Variants in TBC1D12 observed in about 807,000 individuals in gnomAD.
TBC1D12 encodes TBC1 domain family member 12, also known as TBC1 domain family, member 12.
A neutral mutation model predicts 86.7 loss-of-function variants in TBC1D12; 56 were observed. The ratio of observed to expected loss-of-function variants is 0.65; its 90% CI spans 0.52 to 0.81. The LOEUF (loss-of-function observed/expected upper bound fraction) is 0.81. TBC1D12 is among the 30% of genes least tolerant of loss of function. The pLI is 0.00. For synonymous variants in TBC1D12, 421 were observed against 411.7 expected (o/e 1.02, Z -0.27); for missense variants, 1,023 against 1,038.8 (o/e 0.98, Z 0.21).
rs1314377684 is a variant in TBC1D12, at chr10:94,446,846, C to CTGAG, written c.1095+4828_1095+4831dup. Among the ~76,000 whole-genome samples, 4 of 152,222 alleles carry CTGAG rather than the reference C, an allele frequency of 2.6e-5. No individual in the cohort carries two copies. In the East Asian group the frequency reaches 7.7e-4, roughly 29 times the overall value. ...TCTACAATCCCAGCACTTTGGGAGG[C>CTGAG]TGAGGCAGGTGGATCACTTGAGGTC... On this transcript the variant is annotated intron_variant, in intron 2 of 12. Coordinates refer to ENST00000225235, the MANE Select transcript of TBC1D12 (RefSeq NM_015188.2).
intron 6 of TBC1D12, 32 bp from the exon 7 acceptor site, chr10:94,507,235 T>G: frequency 6.3e-7 from 1 of 1,584,200 alleles, no homozygotes. Flanking sequence ...TTCCTATTAT[T>G]CATACATTTT....
intron 1 of TBC1D12, among the ~76,000 whole-genome samples, chr10:94,437,391 T>C (rs2055316833): frequency 6.6e-6 from 1 of 151,856 alleles, no homozygotes; most frequent in African/African-American, 2.4e-5. Context: ...AGTGGTACAA[T>C]CTTGGCTCAC....
intron 1 of TBC1D12, among the ~76,000 whole-genome samples, chr10:94,427,824 C>G (rs1278724096): frequency 8.0e-6 from 1 of 124,608 alleles, no homozygotes; most frequent in Non-Finnish European, 1.6e-5. Context: ...AAAGTGAGAC[C>G]CTGTCTCACA....
chr10:94,493,541 A>G (rs1397964821), intron 4 of TBC1D12, 94 bp downstream of exon 4: 3 of 968,970 alleles, frequency 3.1e-6, no homozygotes, highest in East Asian at 2.4e-5. Context: ...ATGATACTGA[A>G]TTCTTTTTTT....
chr10:94,465,617 G>C (rs2055794659), intron 2 of TBC1D12, among the ~76,000 whole-genome samples: 1 of 148,802 alleles, frequency 6.7e-6, no homozygotes, highest in African/African-American at 2.5e-5. Flanking sequence ...CTGCACTCCA[G>C]CCTGGGCGAC....
intron 2 of TBC1D12, among the ~76,000 whole-genome samples, chr10:94,463,474 C>A (rs536501382): frequency 6.6e-6 from 1 of 152,162 alleles, no homozygotes; most frequent in East Asian, 1.9e-4. Context: ...GTCCCACTCT[C>A]ATGATAATAT....
intron 5 of TBC1D12, among the ~76,000 whole-genome samples, chr10:94,499,430 G>C (rs2056366332): frequency 6.6e-6 from 1 of 152,074 alleles, no homozygotes; most frequent in Non-Finnish European, 1.5e-5. Flanking sequence ...TCTGTGCCTG[G>C]TTTATTTCAC....
chr10:94,417,528 A>G (rs562872283), intron 1 of TBC1D12, among the ~76,000 whole-genome samples: 16 of 152,222 alleles, frequency 1.1e-4, no homozygotes, highest in South Asian at 4.1e-4. Flanking sequence ...ATTTGGCTAC[A>G]TGTTTTGATG....
intron 2 of TBC1D12, among the ~76,000 whole-genome samples, chr10:94,468,059 A>T (rs2055850610): frequency 6.6e-6 from 1 of 152,166 alleles, no homozygotes; most frequent in African/African-American, 2.4e-5. Flanking sequence ...GGCTTTTATG[A>T]TATTTAATTT....
chr10:94,526,432 GAAAAAAA>G (rs1288214393), intron 11 of TBC1D12, among the ~76,000 whole-genome samples: 1 of 110,984 alleles, frequency 9.0e-6, no homozygotes, highest in Admixed American at 9.6e-5. Context: ...CTGTCTCTGA[GAAAAAAA>G]AAAAAAAAGA....
At chr10:94,444,412 A>T (rs2055422907) in intron 2 of TBC1D12, among the ~76,000 whole-genome samples, 1 of 152,076 alleles carries the variant, frequency 6.6e-6, no homozygotes, top group Non-Finnish European at 1.5e-5. Context: ...GTGACATCTT[A>T]AGTTTTAGCT....
At chr10:94,473,890 G>A in intron 2 of TBC1D12, among the ~76,000 whole-genome samples, 1 of 152,256 alleles carries the variant, frequency 6.6e-6, no homozygotes, top group African/African-American at 2.4e-5. Context: ...TTATCAGGTT[G>A]GATGAATTAG....
chr10:94,469,241 G>A (rs2055867508), intron 2 of TBC1D12, among the ~76,000 whole-genome samples: 1 of 152,092 alleles, frequency 6.6e-6, no homozygotes, highest in Admixed American at 6.6e-5. Context: ...TCCCAGTGAT[G>A]ACTTTTTATT....
chr10:94,499,927 C>T (rs891336645), intron 5 of TBC1D12, among the ~76,000 whole-genome samples: 2 of 152,024 alleles, frequency 1.3e-5, no homozygotes, highest in African/African-American at 4.8e-5. Context: ...ATTTTTATGT[C>T]CCTTTTATCC....
intron 3 of TBC1D12, among the ~76,000 whole-genome samples, chr10:94,480,390 C>G (rs2056059472): frequency 6.6e-6 from 1 of 152,096 alleles, no homozygotes; most frequent in Admixed American, 6.6e-5. Context: ...TTCTCTTGAC[C>G]TAGCACTTTT....
intron 3 of TBC1D12, among the ~76,000 whole-genome samples, chr10:94,488,085 A>T (rs1302713859): frequency 6.6e-6 from 1 of 151,880 alleles, no homozygotes; most frequent in East Asian, 1.9e-4. Context: ...TCATCTTTTA[A>T]TCTTTCTACT....
At chr10:94,403,688 TGGTC>T (rs2054809414) in intron 1 of TBC1D12, 104 bp downstream of exon 1, 1 of 1,031,174 alleles carries the variant, frequency 9.7e-7, no homozygotes, top group Non-Finnish European at 1.3e-6. Flanking sequence ...GCGGAGAGCT[TGGTC>T]GGCCGCTTCC....
chr10:94,532,325 A>T (rs887892767), intron 12 of TBC1D12, among the ~76,000 whole-genome samples: 8 of 150,354 alleles, frequency 5.3e-5, no homozygotes, highest in Non-Finnish European at 1.2e-4. Flanking sequence ...TTACAGGCAC[A>T]TGCCACCACG....
intron 3 of TBC1D12, among the ~76,000 whole-genome samples, chr10:94,483,707 C>T (rs73327472): frequency 0.022 from 3,310 of 152,000 alleles, 121 homozygotes; most frequent in African/African-American, 0.073. Context: ...TATTTTCTCC[C>T]ATTCTGTTTA....
Sources: allele counts gnomAD v4.1 joint callset (sites outside exome capture counted in the v4.1 genomes callset), GRCh38; gene constraint gnomAD v4.1.1; transcripts MANE v1.5; gene names NCBI Gene and HGNC (gene_info 2026-07-23, HGNC 2026-07-21).